KCNH5: variants seen among roughly 807,000 people sequenced by gnomAD.
KCNH5 encodes voltage-gated delayed rectifier potassium channel KCNH5.
In KCNH5, 46 loss-of-function variants were observed where a neutral mutation model predicts 96.1. The observed-to-expected ratio is 0.48, with a 90% CI of 0.38 to 0.61. The LOEUF (loss-of-function observed/expected upper bound fraction) is 0.61. KCNH5 is among the 20% of genes least tolerant of loss of function. The pLI is 0.00. For synonymous variants in KCNH5, 439 were observed against 449.8 expected (o/e 0.98, Z 0.30); for missense variants, 907 against 1,225.8 (o/e 0.74, Z 3.88).
At chr14:62,967,076 A>G (rs955238611) in intron 6 of KCNH5, among the ~76,000 whole-genome samples, 2 of 152,088 alleles carry the variant, frequency 1.3e-5, no homozygotes, top group Non-Finnish European at 2.9e-5. Flanking sequence ...TAATACTTCT[A>G]ATAACAATGC....
rs542113827 is a variant in KCNH5 at position 62,771,718 on chromosome 14, A to G, written c.2019+8010T>C. Reference sequence around the variant, plus strand: ...ATGGAAGCAATTCTTTGAGACCACTACTAAAGGATGTCAGTTTGACATCAT... The same window carrying G: ...ATGGAAGCAATTCTTTGAGACCACTGCTAAAGGATGTCAGTTTGACATCAT... On this transcript the variant is annotated intron_variant, in intron 10 of 10. Transcript: ENST00000322893. Among the ~76,000 whole-genome samples the G allele has an allele frequency of 4.6e-5, 7 of 152,328 alleles. No homozygotes were observed. In the South Asian group the frequency reaches 1.5e-3, roughly 32 times the overall value.
intron 1 of KCNH5, among the ~76,000 whole-genome samples, chr14:63,026,687 T>C (rs932379232): frequency 1.3e-5 from 2 of 151,914 alleles, no homozygotes; most frequent in African/African-American, 4.8e-5. Context: ...ATGGCTATTA[T>C]CAAAAAGACA....
intron 9 of KCNH5, among the ~76,000 whole-genome samples, chr14:62,796,736 C>A (rs1430941587): frequency 1.3e-5 from 2 of 152,108 alleles, no homozygotes; most frequent in Non-Finnish European, 2.9e-5. Flanking sequence ...ATGTGCCCAA[C>A]ATGATCGGGA....
chr14:63,032,348 C>T (rs1891644957), intron 1 of KCNH5, among the ~76,000 whole-genome samples: 1 of 152,168 alleles, frequency 6.6e-6, no homozygotes. Flanking sequence ...AGCTGCTCTT[C>T]CAGATCACTG....
chr14:63,002,631 C>A (rs1174543641), intron 3 of KCNH5, among the ~76,000 whole-genome samples: 1 of 151,518 alleles, frequency 6.6e-6, no homozygotes, highest in Non-Finnish European at 1.5e-5. Context: ...ATTCCCATGG[C>A]CTAAAAAAAT....
intron 7 of KCNH5, among the ~76,000 whole-genome samples, chr14:62,902,198 C>T (rs1323469432): frequency 6.8e-6 from 1 of 148,080 alleles, no homozygotes; most frequent in Non-Finnish European, 1.5e-5. Context: ...TTTTGCTATG[C>T]ATAACCTGTT....
intron 7 of KCNH5, among the ~76,000 whole-genome samples, chr14:62,944,605 T>C (rs1889851078): frequency 6.6e-6 from 1 of 152,040 alleles, no homozygotes; most frequent in Non-Finnish European, 1.5e-5. Context: ...GGTGTTCTTG[T>C]AGGAAAAAAA....
rs527404159 is a variant in KCNH5 at position 62,890,502 on chromosome 14, C to T, written c.1370-40650G>A. Reference sequence around the variant, plus strand: ...CGAGGTCAGGAGATCGAGACCATCCCGGCTAACACGGTGAAACCCCGTCTC... The same window carrying T: ...CGAGGTCAGGAGATCGAGACCATCCTGGCTAACACGGTGAAACCCCGTCTC... On this transcript the variant is annotated intron_variant, in intron 7 of 10. Transcript: ENST00000322893. Among the ~76,000 whole-genome samples, 8 of 150,966 alleles carry T rather than the reference C, an allele frequency of 5.3e-5. No individual in the cohort carries two copies. The East Asian group carries it at 1.6e-3, about 30-fold the overall frequency.
chr14:62,938,921 G>A (rs544617982), intron 7 of KCNH5, among the ~76,000 whole-genome samples: 1 of 152,282 alleles, frequency 6.6e-6, no homozygotes, highest in East Asian at 1.9e-4. Flanking sequence ...AATCGAACAA[G>A]TATATTTTGT....
chr14:62,917,980 T>C (rs1490715072), intron 7 of KCNH5, among the ~76,000 whole-genome samples: 1 of 152,164 alleles, frequency 6.6e-6, no homozygotes, highest in African/African-American at 2.4e-5. Flanking sequence ...TTCCTCTTTC[T>C]CTGCTGTTCC....
Position 62,768,995 on chromosome 14 carries a change from G to A in KCNH5, c.2019+10733C>T, listed in dbSNP as rs1418085882. On this transcript the variant is annotated intron_variant, in intron 10 of 10. Coordinates refer to ENST00000322893, the MANE Select transcript of KCNH5 (RefSeq NM_139318.5). The stretch of plus-strand genomic sequence containing the variant: ...AGGGCTTAAAAGACTCCATAATTAG[G>A]CCTCTGCTTCATCTAAATGCACATG... Among the ~76,000 whole-genome samples the A allele has an allele frequency of 4.6e-5, 7 of 152,326 alleles. No homozygotes were observed. The South Asian group carries it at 1.4e-3, about 32-fold the overall frequency.
intron 10 of KCNH5, among the ~76,000 whole-genome samples, chr14:62,753,824 G>C (rs913756844): frequency 2.0e-5 from 3 of 152,142 alleles, no homozygotes; most frequent in Admixed American, 2.0e-4. Flanking sequence ...TACCATATCT[G>C]TCCTACAAGA....
chr14:63,043,934 G>A (rs530881976), intron 1 of KCNH5, among the ~76,000 whole-genome samples: 56 of 152,298 alleles, frequency 3.7e-4, no homozygotes, highest in African/African-American at 1.3e-3. Context: ...AAGAAGAGGG[G>A]ATGTGTATTA....
intron 8 of KCNH5, among the ~76,000 whole-genome samples, chr14:62,847,540 C>T (rs1199917260): frequency 6.6e-6 from 1 of 152,058 alleles, no homozygotes; most frequent in Non-Finnish European, 1.5e-5. Context: ...TTATATTTGT[C>T]ACAGTTATTT....
At chr14:62,911,829 G>C (rs974904506) in intron 7 of KCNH5, among the ~76,000 whole-genome samples, 2 of 151,662 alleles carry the variant, frequency 1.3e-5, no homozygotes, top group African/African-American at 4.8e-5. Context: ...GAGGCCAGGA[G>C]TTCCAGACAA....
At chr14:62,745,304 A>G (rs1242285667) in intron 10 of KCNH5, among the ~76,000 whole-genome samples, 1 of 152,182 alleles carries the variant, frequency 6.6e-6, no homozygotes, top group African/African-American at 2.4e-5. Flanking sequence ...ACATAGTGGC[A>G]GCCATGTCAA....
At chr14:62,851,202 T>G (rs1410109793) in intron 7 of KCNH5, among the ~76,000 whole-genome samples, 2 of 152,174 alleles carry the variant, frequency 1.3e-5, no homozygotes, top group African/African-American at 2.4e-5. Context: ...AAGACAGATT[T>G]TTAAGACAGA....
chr14:62,915,950 T>C (rs963483364), intron 7 of KCNH5, among the ~76,000 whole-genome samples: 1 of 140,872 alleles, frequency 7.1e-6, no homozygotes, highest in Non-Finnish European at 1.5e-5. Flanking sequence ...TCTTTTTTTT[T>C]CTTTTTTTTC....
chr14:62,895,235 A>T (rs1407198166), intron 7 of KCNH5, among the ~76,000 whole-genome samples: 1 of 152,190 alleles, frequency 6.6e-6, no homozygotes, highest in Non-Finnish European at 1.5e-5. Flanking sequence ...GAAATTATAG[A>T]AAGATTCTGA....
Sources: gnomAD v4.1 joint callset for allele counts (sites outside exome capture counted in the v4.1 genomes callset) on GRCh38, gnomAD v4.1.1 for gene constraint, MANE v1.5 for transcripts, NCBI Gene and HGNC (gene_info 2026-07-23, HGNC 2026-07-21) for gene names.